Variants in ATG7 observed in about 807,000 individuals in gnomAD.
ATG7 encodes autophagy related 7, also known as ubiquitin-like modifier-activating enzyme ATG7.
In ATG7, 70 loss-of-function variants were observed where a neutral mutation model predicts 82.4. That is an observed-to-expected ratio of 0.85 (90% CI 0.70 to 1.04). The LOEUF (loss-of-function observed/expected upper bound fraction) is 1.04, where lower values mean the gene tolerates loss of function less well. Among genes scored for constraint, ATG7 ranks in the 50% least tolerant of loss-of-function variants. The probability of loss-of-function intolerance (pLI) is 0.00; values close to 1 mark genes in which losing one functional copy is unlikely to be tolerated. For missense variants in ATG7, 792 were observed against 864.3 expected (o/e 0.92, Z 1.05); for synonymous variants, 287 against 313.0 (o/e 0.92, Z 0.88).
intron 20 of ATG7, among the ~76,000 whole-genome samples, chr3:11,487,365 G>C (rs2089807428): frequency 2.2e-5 from 1 of 45,404 alleles, no homozygotes; most frequent in Admixed American, 1.5e-4. Context: ...CTCCCAGACG[G>C]GGTGGTGGCC....
At chr3:11,286,801 G>C (rs1293592775) in intron 3 of ATG7, among the ~76,000 whole-genome samples, 1 of 151,638 alleles carries the variant, frequency 6.6e-6, no homozygotes, top group African/African-American at 2.4e-5. Flanking sequence ...ACGGAATGTT[G>C]CCCATGTTGC....
intron 7 of ATG7, 74 bp from the exon 8 acceptor site, chr3:11,313,230 G>A: frequency 1.0e-6 from 1 of 959,608 alleles, no homozygotes; most frequent in South Asian, 1.8e-5. Flanking sequence ...GCCTTGAGAA[G>A]CTACATTAAT....
chr3:11,396,066 G>C (rs777132925), intron 19 of ATG7, among the ~76,000 whole-genome samples: 4 of 151,484 alleles, frequency 2.6e-5, no homozygotes, highest in African/African-American at 4.9e-5. Context: ...CTTTTATTGG[G>C]TCTTCTCCAA....
chr3:11,552,946 AGCCCCG>A (rs1401368145), intron 20 of ATG7, among the ~76,000 whole-genome samples: 5 of 152,002 alleles, frequency 3.3e-5, no homozygotes, highest in Non-Finnish European at 5.9e-5. Flanking sequence ...TATAAAGCCC[AGCCCCG>A]GCCCAGGCCC....
intron 18 of ATG7, among the ~76,000 whole-genome samples, chr3:11,378,060 C>T (rs903883757): frequency 2.2e-4 from 15 of 68,204 alleles, no homozygotes; most frequent in African/African-American, 1.4e-3. Context: ...TGGAGTCTTA[C>T]TCTGTCACTC....
At chr3:11,558,306 G>A, downstream of ATG7, 1 of 601,818 alleles carries the variant, frequency 1.7e-6, no homozygotes, top group East Asian at 2.9e-5. Flanking sequence ...AACTGAGGCA[G>A]GAAGTAAGGA....
At chr3:11,464,784 C>T (rs1354798194) in intron 20 of ATG7, among the ~76,000 whole-genome samples, 2 of 152,136 alleles carry the variant, frequency 1.3e-5, no homozygotes, top group Admixed American at 6.5e-5. Flanking sequence ...CCCCTATTTT[C>T]AAATTATAGC....
chr3:11,518,021 G>C (rs1284758373), intron 20 of ATG7, among the ~76,000 whole-genome samples: 1 of 152,166 alleles, frequency 6.6e-6, no homozygotes, highest in Non-Finnish European at 1.5e-5. Flanking sequence ...CAATTGAATC[G>C]ATGTTGAAAA....
intron 3 of ATG7, among the ~76,000 whole-genome samples, chr3:11,297,906 A>C (rs796547177): frequency 9.2e-5 from 14 of 152,302 alleles, no homozygotes; most frequent in African/African-American, 3.4e-4. Flanking sequence ...AGAAGGAATA[A>C]CAGTAGTGCA....
downstream of ATG7, chr3:11,558,470 C>A (rs575356624): frequency 8.6e-5 from 117 of 1,362,382 alleles, no homozygotes; most frequent in East Asian, 2.6e-3. Context: ...CACCCCACCC[C>A]CATGATTTTT....
intron 14 of ATG7, among the ~76,000 whole-genome samples, chr3:11,353,508 A>G (rs1190653107): frequency 6.6e-6 from 1 of 152,278 alleles, no homozygotes; most frequent in South Asian, 2.1e-4. Context: ...TTTGATTTGG[A>G]TGTTTGTCCT....
chr3:11,387,189 T>A (rs898159070), intron 19 of ATG7, among the ~76,000 whole-genome samples: 12 of 152,140 alleles, frequency 7.9e-5, no homozygotes, highest in African/African-American at 2.9e-4. Context: ...ACAGGTATAA[T>A]GGGAGGGATT....
At chr3:11,365,427 T>C (rs1414029672) in intron 18 of ATG7, among the ~76,000 whole-genome samples, 1 of 152,220 alleles carries the variant, frequency 6.6e-6, no homozygotes, top group Non-Finnish European at 1.5e-5. Context: ...GGGATGATCT[T>C]TTAGAATTCA....
intron 18 of ATG7, among the ~76,000 whole-genome samples, chr3:11,370,845 C>T (rs2606733): frequency 0.86 from 129,802 of 150,714 alleles, 56,810 homozygotes; most frequent in East Asian, 1. Flanking sequence ...AGTTTTTGTT[C>T]GGGAGTTTTG....
chr3:11,568,615 C>T, the ATG7 span: 1 of 1,569,442 alleles, frequency 6.4e-7, no homozygotes, highest in Non-Finnish European at 8.7e-7. The surrounding 1 kb of genome is among the most constrained non-coding windows in gnomAD (Gnocchi z 5.9). Flanking sequence ...ATTTCCAGCT[C>T]ATTTTCCTGG....
At chr3:11,422,031 T>C (rs35990666) in intron 19 of ATG7, among the ~76,000 whole-genome samples, 32,198 of 152,120 alleles carry the variant, frequency 0.21, 3,858 homozygotes, top group South Asian at 0.36. Context: ...GTTACCCAGA[T>C]TTTGTTGTTT....
chr3:11,522,678 G>A (rs576528998), intron 20 of ATG7, among the ~76,000 whole-genome samples: 110 of 152,274 alleles, frequency 7.2e-4, no homozygotes, highest in African/African-American at 2.4e-3. Flanking sequence ...ATACCAAAAT[G>A]GTCTACCCAA....
intron 14 of ATG7, among the ~76,000 whole-genome samples, chr3:11,350,656 C>T (rs1199383574): frequency 6.6e-6 from 1 of 152,098 alleles, no homozygotes; most frequent in Non-Finnish European, 1.5e-5. Flanking sequence ...GTTACCAAAG[C>T]GAGTCACAGG....
At chr3:11,499,868 G>A (rs923979873) in intron 20 of ATG7, among the ~76,000 whole-genome samples, 10 of 152,130 alleles carry the variant, frequency 6.6e-5, no homozygotes, top group African/African-American at 2.4e-4. Context: ...CACAGGTGTA[G>A]TATCATACCA....
Sources: allele counts gnomAD v4.1 joint callset (sites outside exome capture counted in the v4.1 genomes callset), GRCh38; gene constraint gnomAD v4.1.1; non-coding constraint Gnocchi (gnomAD v3.1); transcripts MANE v1.5; gene names NCBI Gene and HGNC (gene_info 2026-07-23, HGNC 2026-07-21).